Variants in PXDN observed in about 807,000 individuals in gnomAD.
The protein encoded by PXDN is peroxidasin homolog.
PXDN carries 77 observed loss-of-function variants against 140.3 expected under a neutral mutation model. The ratio of observed to expected loss-of-function variants is 0.55; its 90% confidence interval spans 0.46 to 0.66. The LOEUF is 0.66. Ranked by LOEUF, PXDN falls within the 30% of genes least tolerant of loss-of-function variation. The pLI is 0.00. For synonymous variants in PXDN, 911 were observed against 857.4 expected (o/e 1.06, Z -1.09); for missense variants, 1,838 against 2,039.5 (o/e 0.90, Z 1.90).
At chr2:1,682,526 G>A (rs961263074) in intron 6 of PXDN, among the ~76,000 whole-genome samples, 21 of 152,236 alleles carry the variant, frequency 1.4e-4, no homozygotes, top group African/African-American at 4.6e-4. Flanking sequence ...CGAAACTAAC[G>A]GTTTCAAGAC....
intron 14 of PXDN, among the ~76,000 whole-genome samples, chr2:1,658,037 T>G (rs1364157284): frequency 1.3e-3 from 26 of 20,674 alleles, no homozygotes; most frequent in African/African-American, 3.8e-3. Flanking sequence ...GCTCTCTCTC[T>G]CTCTCTCTCT....
intron 11 of PXDN, 194 bp downstream of exon 11, chr2:1,664,764 C>T (rs1024038560): frequency 4.7e-5 from 26 of 556,438 alleles, no homozygotes; most frequent in African/African-American, 2.1e-4. Context: ...CCATGAGGGA[C>T]GGCCATGCAT....
rs1454143740 is a variant in PXDN at position 1,662,141 on chromosome 2, C to A, written c.1611G>T (p.Glu537Asp). Residue 537 changes from glutamate (E) to aspartate (D), a missense_variant, in exon 13 of 23, where the codon GAG becomes GAT. Transcript: ENST00000252804. ...FASIPSDTTV[E>D]VGANVQLPCS... is the part of the protein sequence containing the mutation. ...ACGGGAGCTGCACATTGGCGCCCAC[C>A]TCCACTGTTGTGTCGCTGGGAATGC... The A allele has an allele frequency of 1.3e-6, 2 of 1,596,106 alleles. No individual in the cohort carries two copies. The highest frequency in any genetic ancestry group is 3.5e-5 in the Admixed American group (2 of 57,296).
rs575426839 is a variant in PXDN, at chr2:1,632,401, A to G, written c.*1803T>C. The G allele has an allele frequency of 2.6e-5, 4 of 152,316 alleles. No individual in the cohort carries two copies. The highest frequency in any genetic ancestry group is 9.6e-5 in the African/African-American group (4 of 41,566). 9.4% of individuals were successfully genotyped at this position (152,316 alleles called of 1,614,324 possible). A position where few individuals can be genotyped will look rare whatever the true frequency, so the allele number is the denominator to read the frequency against. ...TTTTAGACGAACTTACACATTTCCT[A>G]TTTGACAGAAATCTCTTCCACAATT... On this transcript the variant is annotated 3_prime_UTR_variant, in exon 23 of 23. Coordinates refer to ENST00000252804, the MANE Select transcript of PXDN (RefSeq NM_012293.3). This position sits in a 1 kb window ranked among gnomAD's most constrained non-coding sequence, Gnocchi z 4.3.
intron 17 of PXDN, among the ~76,000 whole-genome samples, chr2:1,647,729 C>T (rs975557554): frequency 6.6e-6 from 1 of 152,238 alleles, no homozygotes; most frequent in East Asian, 1.9e-4. Flanking sequence ...CCCGGATCTG[C>T]AGACACCAAG....
At chr2:1,634,396 G>A (rs1203913985) in intron 22 of PXDN, 73 bp from the exon 23 acceptor site, 16 of 1,494,668 alleles carry the variant, frequency 1.1e-5, no homozygotes, top group Non-Finnish European at 1.3e-5. Flanking sequence ...TGTCAGCTCC[G>A]GGACAGGTGT....
chr2:1,664,947 C>T lies in PXDN; in HGVS notation c.1408+11G>A. On this transcript the variant is annotated intron_variant, in intron 11 of 22. Coordinates refer to ENST00000252804, the MANE Select transcript of PXDN (RefSeq NM_012293.3). ...CGGAGGGAGCAGGCAAAGGGCCGGC[C>T]TGGGTCTTACCTCCCTTGGTCCAGG... 1.9e-6 allele frequency: 3 copies of T among 1,583,110 alleles called. No homozygotes were observed. Among genetic ancestry groups the T allele is most frequent in the Non-Finnish European group, 2.6e-6 (3 of 1,155,656 alleles).
At chr2:1,744,114 T>A in intron 1 of PXDN, 142 bp downstream of exon 1, 1 of 913,744 alleles carries the variant, frequency 1.1e-6, no homozygotes, top group Non-Finnish European at 1.5e-6. Context: ...GGAGGTTCCC[T>A]TCTGCGTCCC....
chr2:1,640,566 C>T (rs1459246477), intron 19 of PXDN, among the ~76,000 whole-genome samples: 1 of 152,216 alleles, frequency 6.6e-6, no homozygotes, highest in African/African-American at 2.4e-5. Context: ...TGTTTATTTC[C>T]GCAGTTAACT....
Position 1,693,120 on chromosome 2 carries a change from T to C in PXDN, c.215A>G (p.Asn72Ser), listed in dbSNP as rs553369438. ...CCCAGGTTGGATCTCTCTGATTCTGTTAAAGCGAAGATCTCTGTGAAGAAA... is the reference window on the plus strand; with the variant it reads ...CCCAGGTTGGATCTCTCTGATTCTGCTAAAGCGAAGATCTCTGTGAAGAAA... ...PQTSILDLRF[N>S]RIREIQPGAF... Residue 72 changes from asparagine (N) to serine (S), a missense_variant, in exon 2 of 23, where the codon AAC (asparagine) becomes AGC (serine). Asn to Ser is a conservative substitution (Grantham distance 46). Transcript: ENST00000252804. 9 of 1,556,052 alleles carry C rather than the reference T, an allele frequency of 5.8e-6. No individual in the cohort carries two copies. The East Asian group carries it at 1.7e-4, about 29-fold the overall frequency.
At position 1,651,529 on chromosome 2, in the gene PXDN, C is replaced by T. The variant is rs922926915; in HGVS notation, c.2105-1854G>A. On this transcript the variant is annotated intron_variant, in intron 16 of 22. Transcript: ENST00000252804. The surrounding 1 kb of genome is among the most constrained non-coding windows in gnomAD (Gnocchi z 4.4). ...AACGACATATCCTTATATTCGCTCC[C>T]AGGCCCTTTCTGGTGGAGCACAAAT... 1.4e-4 allele frequency among the ~76,000 whole-genome samples: 21 copies of T among 152,238 alleles called. No homozygotes were observed. Among genetic ancestry groups the T allele is most frequent in the African/African-American group, 4.1e-4 (17 of 41,466 alleles).
chr2:1,653,926 C>T (rs1021394401), intron 15 of PXDN, 141 bp from the exon 16 acceptor site: 23 of 1,032,702 alleles, frequency 2.2e-5, no homozygotes, highest in Non-Finnish European at 2.8e-5. Context: ...CTTCCTCATC[C>T]GAAGTGGGAG....
At chr2:1,703,444 A>T (rs1301958593) in intron 1 of PXDN, among the ~76,000 whole-genome samples, 1 of 33,912 alleles carries the variant, frequency 2.9e-5, no homozygotes, top group Non-Finnish European at 5.5e-5. Flanking sequence ...GAAGCGGGGG[A>T]CAACTCCCGG....
At chr2:1,712,060 G>T (rs1158319476) in intron 1 of PXDN, among the ~76,000 whole-genome samples, 1 of 147,474 alleles carries the variant, frequency 6.8e-6, no homozygotes, top group East Asian at 2.0e-4. Flanking sequence ...AATATATATT[G>T]ATCAAGATCA....
In PXDN at chr2:1,633,637, CCAGA is replaced by C. The variant is rs1682472056; in HGVS notation, c.*563_*566del. On this transcript the variant is annotated 3_prime_UTR_variant, in exon 23 of 23. Coordinates refer to ENST00000252804, the MANE Select transcript of PXDN (RefSeq NM_012293.3). ...GAGGCCGGGGGCTTGCACTGCACCC[CCAGA>C]CAGTGTCCCTGTGAACGCTCTCATC... is the stretch of plus-strand genomic sequence containing the variant. The C allele has an allele frequency of 6.6e-6, 1 of 151,260 alleles. No homozygotes were observed. The allele number at this position is 151,260 out of a possible 1,614,324, so 9.4% of individuals were successfully genotyped here.
chr2:1,671,946 T>C (rs1450742133), intron 9 of PXDN: 4 of 152,240 alleles, frequency 2.6e-5, no homozygotes, highest in African/African-American at 9.6e-5. Context: ...ACGCCTGAAT[T>C]TCCTCTAGCT....
At chr2:1,634,415 G>C in intron 22 of PXDN, 92 bp from the exon 23 acceptor site, 1 of 1,460,632 alleles carries the variant, frequency 6.8e-7, no homozygotes, top group Non-Finnish European at 9.2e-7. Context: ...GTCAGCCACG[G>C]CCATGAGTCA....
rs746121965 is a variant in PXDN, at chr2:1,687,676, T to C, written c.372A>G (p.Ser124=). 1 of 1,532,776 alleles carries C rather than the reference T, an allele frequency of 6.5e-7. No homozygotes were observed. The highest frequency in any genetic ancestry group is 9.0e-7 in the Non-Finnish European group (1 of 1,109,630). 94.9% of individuals were successfully genotyped at this position (1,532,776 alleles called of 1,614,324 possible). A position where few individuals can be genotyped will look rare whatever the true frequency, so the allele number is the denominator to read the frequency against. The part of the protein sequence containing the change: ...YLYLYKNEIQ[S]IDRQAFKGLA... ...GTCCCTTAAATGCTTGCCTGTCAATTGACTGGATCTCATTCTTGTACAGAT... is the reference window on the plus strand; with the variant it reads ...GTCCCTTAAATGCTTGCCTGTCAATCGACTGGATCTCATTCTTGTACAGAT... The change falls in exon 4 of 23, where the codon TCA becomes TCG. Residue 124 remains serine (S), a synonymous_variant. Transcript: ENST00000252804. This position sits in a 1 kb window ranked among gnomAD's most constrained non-coding sequence, Gnocchi z 4.0.
At position 1,660,973 on chromosome 2, in the gene PXDN, T is replaced by C. The variant is rs1252151641; in HGVS notation, c.1745A>G (p.Asn582Ser). 9 of 1,614,016 alleles carry C rather than the reference T, an allele frequency of 5.6e-6. No individual in the cohort carries two copies. Among genetic ancestry groups the C allele is most frequent in the East Asian group, 4.5e-5 (2 of 44,872 alleles). Residue 582 changes from asparagine (N) to serine (S), a missense_variant, in exon 14 of 23, where the codon AAT becomes AGT. Coordinates refer to ENST00000252804, the MANE Select transcript of PXDN (RefSeq NM_012293.3). This position sits in a 1 kb window ranked among gnomAD's most constrained non-coding sequence, Gnocchi z 4.6. The stretch of plus-strand genomic sequence containing the variant: ...ACCTGCGTCTGCAGGGCCAACGTCA[T>C]TGATGGTCAAGAATCCTTCAGGGCT... Reference protein sequence around the residue: ...HISPEGFLTINDVGPADAGRY... With the variant: ...HISPEGFLTISDVGPADAGRY...
Sources: gnomAD v4.1 joint callset for allele counts (sites outside exome capture counted in the v4.1 genomes callset) on GRCh38, gnomAD v4.1.1 for gene constraint, Gnocchi (gnomAD v3.1) non-coding constraint, MANE v1.5 for transcripts, NCBI Gene and HGNC (gene_info 2026-07-23, HGNC 2026-07-21) for gene names.